The following PRRX2 variants were observed in gnomAD, a reference collection of about 807,000 sequenced individuals.
PRRX2 encodes the protein paired mesoderm homeobox protein 2.
In PRRX2, 11 loss-of-function variants were observed where a neutral mutation model predicts 18.0. That is an observed-to-expected ratio of 0.61 (90% CI 0.39 to 1.01). The LOEUF (loss-of-function observed/expected upper bound fraction) is 1.01. Among genes scored for constraint, PRRX2 ranks in the 50% least tolerant of loss-of-function variants. The pLI, the probability that PRRX2 is intolerant of heterozygous loss-of-function variation, is 0.01. For synonymous variants in PRRX2, 177 were observed against 154.8 expected (o/e 1.14, Z -1.06); for missense variants, 387 against 351.0 (o/e 1.10, Z -0.82).
At chr9:129,719,150 C>T in intron 1 of PRRX2, 81 bp from the exon 2 acceptor site, 2 of 1,344,902 alleles carry the variant, frequency 1.5e-6, no homozygotes, top group Non-Finnish European at 2.0e-6. Context: ...GCACTCAGAG[C>T]AAACTGCAGA....
chr9:129,720,905 A>G (rs893675478), intron 3 of PRRX2, 131 bp downstream of exon 3: 12 of 1,067,678 alleles, frequency 1.1e-5, no homozygotes, highest in Non-Finnish European at 1.5e-5. Flanking sequence ...GATCTGGGGT[A>G]CACCAAGTGA....
intron 1 of PRRX2, among the ~76,000 whole-genome samples, chr9:129,708,402 T>C (rs1832582187): frequency 6.6e-6 from 1 of 152,196 alleles, no homozygotes; most frequent in Admixed American, 6.6e-5. Flanking sequence ...TGGTTTTGAT[T>C]TGCATTTCCC....
intron 1 of PRRX2, among the ~76,000 whole-genome samples, chr9:129,682,381 C>T (rs530121144): frequency 1.3e-5 from 2 of 152,260 alleles, no homozygotes; most frequent in African/African-American, 2.4e-5. Context: ...GTGAGGGCCC[C>T]TAAGAGAGGA....
In PRRX2 at chr9:129,671,396, A is replaced by G. The variant is rs1832098317; in HGVS notation, c.259+5270A>G. ...CTCTTGCTCCTCTGTCCAGTAGATC[A>G]TCTGGGTGGAGCTTGGGGGCCTGGC... On this transcript the variant is annotated intron_variant, in intron 1 of 3. Transcript: ENST00000372469. This position sits in a 1 kb window ranked among gnomAD's most constrained non-coding sequence, Gnocchi z 4.0. Among the ~76,000 whole-genome samples, 1 of 152,192 alleles carries G rather than the reference A, an allele frequency of 6.6e-6. No individual in the cohort carries two copies.
intron 1 of PRRX2, among the ~76,000 whole-genome samples, chr9:129,707,408 C>T (rs1256412299): frequency 6.6e-6 from 1 of 152,120 alleles, no homozygotes; most frequent in Non-Finnish European, 1.5e-5. Context: ...AATACTATTC[C>T]ATTGCATGAA....
intron 1 of PRRX2, among the ~76,000 whole-genome samples, chr9:129,705,854 T>C (rs1192885634): frequency 1.3e-5 from 2 of 151,388 alleles, no homozygotes; most frequent in Non-Finnish European, 2.9e-5. Context: ...GGCAGGTGGA[T>C]CGCCTGAGGT....
intron 1 of PRRX2, among the ~76,000 whole-genome samples, chr9:129,711,399 CTT>C (rs897807963): frequency 4.8e-3 from 404 of 84,968 alleles, no homozygotes; most frequent in African/African-American, 6.3e-3. Context: ...GTGAGATTCT[CTT>C]TTTTTTTTTT....
Position 129,720,676 on chromosome 9 carries a change from G to A in PRRX2, c.528G>A (p.Lys176=), listed in dbSNP as rs547352299. Residue 176 remains lysine (K), a synonymous_variant, in exon 3 of 4, where the codon AAG becomes AAA. Coordinates refer to ENST00000372469, the MANE Select transcript of PRRX2 (RefSeq NM_016307.4). ...MLASRSASLL[K]SYSQEAAIEQ... is the part of the protein sequence containing the mutation. ...CCAGCCGCTCTGCCTCGCTGCTCAA[G>A]TCCTACAGCCAGGAGGCCGCCATCG... The A allele has an allele frequency of 4.3e-6, 7 of 1,613,518 alleles. No individual in the cohort carries two copies. The Admixed American group carries it at 6.7e-5, about 15-fold the overall frequency.
chr9:129,717,027 T>C (rs1319450544), intron 1 of PRRX2, among the ~76,000 whole-genome samples: 2 of 150,864 alleles, frequency 1.3e-5, no homozygotes, highest in East Asian at 3.9e-4. Flanking sequence ...AATTTTTAAT[T>C]TTATTTTTAA....
Position 129,665,771 on chromosome 9 carries a change from C to T in PRRX2, c.-97C>T. 1.1e-6 allele frequency: 1 copy of T among 891,264 alleles called. No individual in the cohort carries two copies. The highest frequency in any genetic ancestry group is 1.4e-6 in the Non-Finnish European group (1 of 740,622). The allele number at this position is 891,264 out of a possible 1,614,324, so 55.2% of individuals were successfully genotyped here. A position where few individuals can be genotyped will look rare whatever the true frequency, so the allele number is the denominator to read the frequency against. ...GAGGCGGCGGGAGCTGGGCAGAGCG[C>T]GGGGCGGCCGGGGCTCTCGCTCCGA... is the stretch of plus-strand genomic sequence containing the variant. On this transcript the variant is annotated 5_prime_UTR_variant, in exon 1 of 4. Transcript: ENST00000372469. The surrounding 1 kb of genome is among the most constrained non-coding windows in gnomAD (Gnocchi z 5.3).
chr9:129,667,160 T>TCTGAGTGCACCCAGGTG (rs60087380), intron 1 of PRRX2, among the ~76,000 whole-genome samples: 3 of 152,110 alleles, frequency 2.0e-5, no homozygotes, highest in Non-Finnish European at 4.4e-5. Flanking sequence ...CGGGGCACCT[T>TCTGAGTGCACCCAGGTG]CTGCCAGCCT....
intron 1 of PRRX2, among the ~76,000 whole-genome samples, chr9:129,685,993 G>A (rs866317106): frequency 6.6e-6 from 1 of 152,248 alleles, no homozygotes; most frequent in Non-Finnish European, 1.5e-5. Context: ...TCTAAGAAGA[G>A]AGGTGAGGGC....
In PRRX2 at chr9:129,720,779, G is replaced by C. The variant is rs764989012; in HGVS notation, c.626+5G>C. Reference sequence around the variant, plus strand: ...GACAGCCTCGTCCCCCTACAGGTGAGAGCGGGAACACCTTTGGGCCAGGAA... The same window carrying C: ...GACAGCCTCGTCCCCCTACAGGTGACAGCGGGAACACCTTTGGGCCAGGAA... On this transcript the variant is annotated splice_donor_5th_base_variant and intron_variant, in intron 3 of 3. Coordinates refer to ENST00000372469, the MANE Select transcript of PRRX2 (RefSeq NM_016307.4). 3.8e-6 allele frequency: 6 copies of C among 1,560,424 alleles called. No homozygotes were observed. The highest frequency in any genetic ancestry group is 1.4e-5 in the African/African-American group (1 of 73,250).
intron 1 of PRRX2, among the ~76,000 whole-genome samples, chr9:129,692,120 A>AT (rs146110560): frequency 5.6e-4 from 84 of 148,880 alleles, no homozygotes; most frequent in Non-Finnish European, 1.0e-3. Context: ...TAGTTTTTGT[A>AT]TTTTTTTTTA....
In PRRX2 at chr9:129,665,859, C is replaced by T; in HGVS notation, c.-9C>T. 9.6e-7 allele frequency: 1 copy of T among 1,040,794 alleles called. No homozygotes were observed. Among genetic ancestry groups the T allele is most frequent in the Non-Finnish European group, 1.2e-6 (1 of 869,240 alleles). The allele number at this position is 1,040,794 out of a possible 1,614,324, so 64.5% of individuals were successfully genotyped here. Reference sequence around the variant, plus strand: ...ACCCCCGCCGGCCCCCCCGGGGCCGCTCGCGGGCATGGACAGCGCGGCCGC... The same window carrying T: ...ACCCCCGCCGGCCCCCCCGGGGCCGTTCGCGGGCATGGACAGCGCGGCCGC... On this transcript the variant is annotated 5_prime_UTR_variant, in exon 1 of 4. Coordinates refer to ENST00000372469, the MANE Select transcript of PRRX2 (RefSeq NM_016307.4). The surrounding 1 kb of genome is among the most constrained non-coding windows in gnomAD (Gnocchi z 5.3).
At position 129,669,268 on chromosome 9, in the gene PRRX2, G is replaced by A. The variant is rs1054126902; in HGVS notation, c.259+3142G>A. On this transcript the variant is annotated intron_variant, in intron 1 of 3. Coordinates refer to ENST00000372469, the MANE Select transcript of PRRX2 (RefSeq NM_016307.4). ...CCCTCCAGAAATGGCCGGGAAGACC[G>A]TGGCTTCGCCAGTGACTCAGAACAA... Among the ~76,000 whole-genome samples the A allele has an allele frequency of 5.3e-5, 8 of 152,350 alleles. No individual in the cohort carries two copies. The East Asian group carries it at 5.8e-4, about 11-fold the overall frequency.
intron 1 of PRRX2, among the ~76,000 whole-genome samples, chr9:129,710,504 C>A (rs898992391): frequency 1.3e-5 from 2 of 152,128 alleles, no homozygotes; most frequent in Non-Finnish European, 2.9e-5. Context: ...GAGGCTGAGG[C>A]GGGTGGACCA....
Position 129,715,738 on chromosome 9 carries a change from G to A in PRRX2, c.260-3493G>A, listed in dbSNP as rs1289760998. On this transcript the variant is annotated intron_variant, in intron 1 of 3. Coordinates refer to ENST00000372469, the MANE Select transcript of PRRX2 (RefSeq NM_016307.4). The surrounding 1 kb of genome is among the most constrained non-coding windows in gnomAD (Gnocchi z 4.0). The stretch of plus-strand genomic sequence containing the variant: ...AAGCAGTGGTCCAAACCCAGCTTCA[G>A]GGACATCTTTCTCACACACACACAC... 7.3e-6 allele frequency among the ~76,000 whole-genome samples: 1 copy of A among 136,278 alleles called. No homozygotes were observed. Among genetic ancestry groups the A allele is most frequent in the Non-Finnish European group, 1.5e-5 (1 of 66,048 alleles). 89.4% of individuals were successfully genotyped at this position (136,278 alleles called of 152,430 possible).
At chr9:129,668,682 C>T (rs2119046490) in intron 1 of PRRX2, among the ~76,000 whole-genome samples, 1 of 146,910 alleles carries the variant, frequency 6.8e-6, no homozygotes, top group South Asian at 2.1e-4. Context: ...GAAGCTGAGA[C>T]AGGAGAATCC....
Sources: allele counts gnomAD v4.1 joint callset (sites outside exome capture counted in the v4.1 genomes callset), GRCh38; gene constraint gnomAD v4.1.1; non-coding constraint Gnocchi (gnomAD v3.1); transcripts MANE v1.5; gene names NCBI Gene and HGNC (gene_info 2026-07-23, HGNC 2026-07-21).